Variants in GAPVD1 observed in about 807,000 individuals in gnomAD.
GAPVD1 encodes GTPase activating protein and VPS9 domains 1.
GAPVD1 carries 35 observed loss-of-function variants against 155.5 expected under a neutral mutation model. The ratio of observed to expected loss-of-function variants is 0.23; its 90% CI spans 0.17 to 0.30. The LOEUF is 0.30. GAPVD1 is among the 10% of genes least tolerant of loss of function. The probability of loss-of-function intolerance (pLI) is 1.00; values close to 1 mark genes in which losing one functional copy is unlikely to be tolerated. For missense variants in GAPVD1, 1,429 were observed against 1,775.7 expected (o/e 0.80, Z 3.51); for synonymous variants, 636 against 619.7 (o/e 1.03, Z -0.39).
intron 23 of GAPVD1, among the ~76,000 whole-genome samples, chr9:125,351,857 C>CA (rs1849337789): frequency 6.6e-6 from 1 of 152,148 alleles, no homozygotes; most frequent in Admixed American, 6.6e-5. Flanking sequence ...TCCCCTGCCT[C>CA]AGCCTCCCAA....
At chr9:125,263,571 CCT>C in intron 1 of GAPVD1, 1 of 1,309,020 alleles carries the variant, frequency 7.6e-7, no homozygotes, top group South Asian at 1.2e-5. Flanking sequence ...GCAAAAGAAT[CCT>C]CTCCAATTTT....
chr9:125,299,315 A>C (rs1840389500), intron 4 of GAPVD1, among the ~76,000 whole-genome samples: 1 of 152,220 alleles, frequency 6.6e-6, no homozygotes, highest in Non-Finnish European at 1.5e-5. Flanking sequence ...TAACTTAAGC[A>C]TTGACATTTT....
intron 1 of GAPVD1, among the ~76,000 whole-genome samples, chr9:125,265,335 T>G (rs1294012631): frequency 6.6e-6 from 1 of 152,048 alleles, no homozygotes; most frequent in Non-Finnish European, 1.5e-5. Flanking sequence ...ACTCCTGGAC[T>G]TGAGTGATCC....
At chr9:125,292,980 G>T (rs1838849390) in intron 2 of GAPVD1, among the ~76,000 whole-genome samples, 1 of 152,198 alleles carries the variant, frequency 6.6e-6, no homozygotes. Context: ...ATACCAATCT[G>T]ACAGTGTAGG....
intron 26 of GAPVD1, chr9:125,359,831 A>G: frequency 4.5e-6 from 1 of 223,556 alleles, no homozygotes; most frequent in Non-Finnish European, 8.8e-6. Context: ...AGCACTCCAA[A>G]GAGTGAGATA....
intron 22 of GAPVD1, 32 bp downstream of exon 22, chr9:125,350,436 T>A: frequency 7.4e-7 from 1 of 1,346,174 alleles, no homozygotes; most frequent in Non-Finnish European, 1.1e-6. Flanking sequence ...TAATTTTTCC[T>A]ATGTTTATGG....
chr9:125,329,997 C>A, intron 12 of GAPVD1, 81 bp from the exon 13 acceptor site: 1 of 1,149,940 alleles, frequency 8.7e-7, no homozygotes, highest in Non-Finnish European at 1.2e-6. Flanking sequence ...ATTTTGTTAG[C>A]TAGTGTTTGG....
intron 4 of GAPVD1, among the ~76,000 whole-genome samples, chr9:125,301,441 T>C (rs1840838357): frequency 6.6e-6 from 1 of 152,008 alleles, no homozygotes; most frequent in African/African-American, 2.4e-5. Flanking sequence ...CTGATAATTT[T>C]CTTTCTTTCT....
intron 12 of GAPVD1, 109 bp downstream of exon 12, chr9:125,326,698 C>CTGTGGGAAA: frequency 1.3e-6 from 1 of 754,004 alleles, no homozygotes; most frequent in Non-Finnish European, 2.3e-6. Context: ...TGTGTTAGCA[C>CTGTGGGAAA]CATCTGGGAA....
At chr9:125,305,181 G>A (rs772385298) in intron 6 of GAPVD1, 32 bp downstream of exon 6, 4 of 1,406,248 alleles carry the variant, frequency 2.8e-6, no homozygotes, top group Middle Eastern at 1.8e-4. Flanking sequence ...AGAAAATTCT[G>A]AAGTATTAGT....
At chr9:125,298,099 CAAGA>C (rs1840163963) in intron 3 of GAPVD1, among the ~76,000 whole-genome samples, 2 of 152,130 alleles carry the variant, frequency 1.3e-5, no homozygotes, top group Admixed American at 1.3e-4. Flanking sequence ...TCTAGAAGTA[CAAGA>C]AAGGAAGCAG....
At position 125,314,346 on chromosome 9, in the gene GAPVD1, A is replaced by G. The variant is rs193281810; in HGVS notation, c.1602+1734A>G. Among the ~76,000 whole-genome samples, 14 of 152,328 alleles carry G rather than the reference A, an allele frequency of 9.2e-5. No homozygotes were observed. The East Asian group carries it at 2.7e-3, about 29-fold the overall frequency. ...CATTTTTAATATATTTGTAACAAAA[A>G]GCTTGGCTTAAAGGTGAATGAAAAG... On this transcript the variant is annotated intron_variant, in intron 9 of 27. Transcript: ENST00000297933.
At chr9:125,287,714 A>T (rs1201033205) in intron 2 of GAPVD1, 1 of 152,156 alleles carries the variant, frequency 6.6e-6, no homozygotes, top group Non-Finnish European at 1.5e-5. Context: ...TTCCTACTTT[A>T]AGTCACTTAT....
At chr9:125,332,476 C>T in intron 14 of GAPVD1, 34 bp from the exon 15 acceptor site, 1 of 1,518,736 alleles carries the variant, frequency 6.6e-7, no homozygotes, top group Non-Finnish European at 8.9e-7. Context: ...TTTTGTTCTT[C>T]TTCCTGTTTA....
At chr9:125,277,188 A>G (rs1194980273) in intron 2 of GAPVD1, among the ~76,000 whole-genome samples, 2 of 152,324 alleles carry the variant, frequency 1.3e-5, no homozygotes, top group African/African-American at 2.4e-5. Context: ...TATAAATTCA[A>G]ACATTCATTC....
chr9:125,317,809 A>G (rs538781553), intron 9 of GAPVD1, among the ~76,000 whole-genome samples: 69 of 152,222 alleles, frequency 4.5e-4, no homozygotes, highest in African/African-American at 1.4e-3. Flanking sequence ...GAAGATATCA[A>G]TAAAGGGGTA....
chr9:125,302,044 G>T lies in GAPVD1; in HGVS notation c.247G>T (p.Val83Phe), dbSNP rs567546257. The T allele has an allele frequency of 3.1e-6, 5 of 1,599,288 alleles. No individual in the cohort carries two copies. In the South Asian group the frequency reaches 3.4e-5, roughly 11 times the overall value. The part of the protein sequence containing the change: ...HAKILEDTQF[V>F]DGYKQLGFQE... The stretch of plus-strand genomic sequence containing the variant: ...CAAAATTTTGGAAGATACACAATTT[G>T]TTGATGGGTATAAGCAATTGGGATT... Residue 83 changes from valine (V) to phenylalanine (F), a missense_variant, in exon 5 of 28, where the codon GTT (valine) becomes TTT (phenylalanine). Transcript: ENST00000297933.
intron 2 of GAPVD1, among the ~76,000 whole-genome samples, chr9:125,271,095 T>G (rs1181803903): frequency 6.6e-6 from 1 of 152,214 alleles, no homozygotes; most frequent in Non-Finnish European, 1.5e-5. Flanking sequence ...AATTTAATTC[T>G]AATACTCTTT....
At chr9:125,338,957 GTA>G (rs202110556) in intron 17 of GAPVD1, among the ~76,000 whole-genome samples, 1,755 of 111,352 alleles carry the variant, frequency 0.016, 14 homozygotes, top group African/African-American at 0.042. Context: ...GTGTGTGTGT[GTA>G]TATATATTTT....
Sources: gnomAD v4.1 joint callset for allele counts (sites outside exome capture counted in the v4.1 genomes callset) on GRCh38, gnomAD v4.1.1 for gene constraint, MANE v1.5 for transcripts, NCBI Gene and HGNC (gene_info 2026-07-23, HGNC 2026-07-21) for gene names.